The following LARGE1 variants were observed in gnomAD, a reference collection of about 807,000 sequenced individuals.
LARGE1 encodes LARGE xylosyl- and glucuronyltransferase 1.
In LARGE1, 43 loss-of-function variants were observed where a neutral mutation model predicts 87.6. The ratio of observed to expected loss-of-function variants is 0.49; its 90% CI spans 0.38 to 0.63. The LOEUF is 0.63. Ranked by LOEUF, LARGE1 falls within the 30% of genes least tolerant of loss-of-function variation. The pLI is 0.00. For missense variants in LARGE1, 802 were observed against 1,000.2 expected (o/e 0.80, Z 2.67); for synonymous variants, 434 against 394.6 (o/e 1.10, Z -1.18).
chr22:33,309,266 A>G (rs977474035), intron 11 of LARGE1, among the ~76,000 whole-genome samples: 3 of 151,924 alleles, frequency 2.0e-5, no homozygotes, highest in African/African-American at 7.3e-5. Flanking sequence ...TCCCAGGTTC[A>G]AGCGATTTTC....
Position 33,518,910 on chromosome 22 carries a change from A to G in LARGE1, c.787+45938T>C, listed in dbSNP as rs560426471. Among the ~76,000 whole-genome samples the G allele has an allele frequency of 2.1e-3, 320 of 152,270 alleles. 3 individuals are homozygous for G. Among genetic ancestry groups the G allele is most frequent in the African/African-American group, 7.5e-3 (313 of 41,560 alleles). ...CATATATCCAGGGACCCGCACATCC[A>G]GGGACCAACATCCTAGATGTTTCTG... On this transcript the variant is annotated intron_variant, in intron 6 of 14. Transcript: ENST00000397394.
At chr22:33,323,054 G>T (rs1936906721) in intron 10 of LARGE1, among the ~76,000 whole-genome samples, 1 of 152,118 alleles carries the variant, frequency 6.6e-6, no homozygotes, top group African/African-American at 2.4e-5. Flanking sequence ...CCTGGGAGGG[G>T]ATGGTTGCAG....
At chr22:33,335,013 T>G (rs1026358894) in intron 10 of LARGE1, among the ~76,000 whole-genome samples, 1 of 152,204 alleles carries the variant, frequency 6.6e-6, no homozygotes, top group Admixed American at 6.5e-5. Flanking sequence ...TCTCATTTCT[T>G]ATAACACTGA....
chr22:33,183,847 T>TG (rs1568963829), intron 11 of LARGE1, among the ~76,000 whole-genome samples: 1 of 151,788 alleles, frequency 6.6e-6, no homozygotes, highest in Non-Finnish European at 1.5e-5. Context: ...TGTCAGAGGC[T>TG]GGGGGGTAGA....
At chr22:33,585,764 G>A (rs2078653611) in intron 5 of LARGE1, among the ~76,000 whole-genome samples, 1 of 152,198 alleles carries the variant, frequency 6.6e-6, no homozygotes, top group Admixed American at 6.5e-5. Context: ...GATCACACAG[G>A]TAATGCAGGG....
At chr22:33,242,919 C>T (rs1366269790) in intron 11 of LARGE1, among the ~76,000 whole-genome samples, 2 of 152,170 alleles carry the variant, frequency 1.3e-5, no homozygotes, top group Non-Finnish European at 1.5e-5. Context: ...ACAAGCATCA[C>T]CTCCATCTCT....
chr22:33,717,848 G>C (rs1445908409), intron 2 of LARGE1, among the ~76,000 whole-genome samples: 3 of 152,150 alleles, frequency 2.0e-5, no homozygotes, highest in Non-Finnish European at 4.4e-5. Flanking sequence ...TTGTCCCCAT[G>C]AGCCAGAGTG....
chr22:33,146,112 TA>T, the LARGE1 span, among the ~76,000 whole-genome samples: 2 of 152,314 alleles, frequency 1.3e-5, no homozygotes, highest in African/African-American at 4.8e-5. Context: ...TATATGGATA[TA>T]AAAGTAAATA....
intron 1 of LARGE1, among the ~76,000 whole-genome samples, chr22:33,832,179 T>C (rs894400835): frequency 7.2e-5 from 11 of 152,132 alleles, no homozygotes; most frequent in African/African-American, 2.7e-4. Flanking sequence ...CTATCAGTCA[T>C]AATGACCAGA....
At chr22:33,117,542 G>C in the LARGE1 span, among the ~76,000 whole-genome samples, 1 of 151,934 alleles carries the variant, frequency 6.6e-6, no homozygotes, top group African/African-American at 2.4e-5. Flanking sequence ...TCAGGATACA[G>C]GAAAACATTT....
chr22:33,778,112 GGAAA>G (rs1420920734), intron 1 of LARGE1, among the ~76,000 whole-genome samples: 3 of 152,160 alleles, frequency 2.0e-5, no homozygotes, highest in African/African-American at 7.2e-5. Flanking sequence ...AAAAGAGTCA[GGAAA>G]GAAATTCTTT....
At chr22:33,122,145 C>G in the LARGE1 span, among the ~76,000 whole-genome samples, 2 of 152,106 alleles carry the variant, frequency 1.3e-5, no homozygotes, top group Non-Finnish European at 2.9e-5. Flanking sequence ...TTTCTCTAAT[C>G]TTGTCATAAT....
intron 2 of LARGE1, among the ~76,000 whole-genome samples, chr22:33,727,827 G>T (rs942094353): frequency 3.3e-5 from 5 of 152,192 alleles, no homozygotes; most frequent in Non-Finnish European, 7.3e-5. Flanking sequence ...AGTCAGGGAA[G>T]GCAGGGACTT....
chr22:33,917,987 G>A (rs1484084537), intron 1 of LARGE1, among the ~76,000 whole-genome samples: 2 of 152,060 alleles, frequency 1.3e-5, no homozygotes, highest in Non-Finnish European at 2.9e-5. Context: ...CCCCCCTAGT[G>A]TCCTGCTACT....
At chr22:33,703,212 G>A (rs2082451022) in intron 2 of LARGE1, among the ~76,000 whole-genome samples, 1 of 152,114 alleles carries the variant, frequency 6.6e-6, no homozygotes, top group Admixed American at 6.5e-5. Context: ...GAAAAGCGGA[G>A]GGAGAGCATT....
intron 12 of LARGE1, among the ~76,000 whole-genome samples, chr22:33,294,382 C>T (rs1047972690): frequency 6.6e-6 from 1 of 152,166 alleles, no homozygotes; most frequent in African/African-American, 2.4e-5. Context: ...ACTGTTTAAT[C>T]AAACCTGAGT....
intron 6 of LARGE1, among the ~76,000 whole-genome samples, chr22:33,452,106 C>G (rs7285886): frequency 1.2e-4 from 18 of 152,082 alleles, no homozygotes; most frequent in African/African-American, 4.1e-4. Context: ...TGAGAGGTGA[C>G]TATACGTCAG....
the LARGE1 span, among the ~76,000 whole-genome samples, chr22:33,120,359 T>TTTCTTTCC: frequency 1.1e-3 from 18 of 16,538 alleles, no homozygotes; most frequent in Middle Eastern, 0.021. Flanking sequence ...TTTCTTTCTT[T>TTTCTTTCC]TTCTTTCTTT....
chr22:33,351,911 G>T (rs551233531), intron 9 of LARGE1, among the ~76,000 whole-genome samples: 3 of 152,120 alleles, frequency 2.0e-5, no homozygotes, highest in South Asian at 2.1e-4. Context: ...GCTAATTTTT[G>T]TATCTTTAGT....
Sources: allele counts gnomAD v4.1 joint callset (sites outside exome capture counted in the v4.1 genomes callset), GRCh38; gene constraint gnomAD v4.1.1; transcripts MANE v1.5; gene names NCBI Gene and HGNC (gene_info 2026-07-23, HGNC 2026-07-21).